CMKLR2: variants seen among roughly 807,000 people sequenced by gnomAD.
The protein encoded by CMKLR2 is chemerin-like receptor 2.
In CMKLR2, 18 loss-of-function variants were observed where a neutral mutation model predicts 23.0. That is an observed-to-expected ratio of 0.78 (90% confidence interval 0.54 to 1.16). CMKLR2 has a LOEUF of 1.16. Among genes scored for constraint, CMKLR2 ranks in the 50% most tolerant of loss-of-function variants. The pLI is 0.00. For missense variants in CMKLR2, 401 were observed against 412.7 expected (o/e 0.97, Z 0.25); for synonymous variants, 158 against 158.9 (o/e 0.99, Z 0.05).
chr2:206,210,384 T>C (rs1574331882), intron 1 of CMKLR2, among the ~76,000 whole-genome samples: 1 of 152,212 alleles, frequency 6.6e-6, no homozygotes. Flanking sequence ...ACACTTTCTT[T>C]ATCCAGTCTA....
At chr2:206,183,053 C>A (rs1298528609) in intron 1 of CMKLR2, among the ~76,000 whole-genome samples, 1 of 152,124 alleles carries the variant, frequency 6.6e-6, no homozygotes, top group Non-Finnish European at 1.5e-5. Context: ...TCTCACTCTG[C>A]CCTCTCACTT....
intron 1 of CMKLR2, among the ~76,000 whole-genome samples, chr2:206,200,398 G>A (rs985541535): frequency 6.6e-6 from 1 of 152,142 alleles, no homozygotes; most frequent in East Asian, 1.9e-4. Context: ...ACTCCAGCCT[G>A]GGCAACAAGA....
At chr2:206,186,789 T>C (rs991651700) in intron 1 of CMKLR2, among the ~76,000 whole-genome samples, 5 of 130,698 alleles carry the variant, frequency 3.8e-5, no homozygotes, top group Non-Finnish European at 6.7e-5. Flanking sequence ...CTCTGCTGCC[T>C]TTTTTTTTTT....
intron 1 of CMKLR2, among the ~76,000 whole-genome samples, chr2:206,186,692 G>A (rs1262349467): frequency 6.6e-6 from 1 of 152,006 alleles, no homozygotes; most frequent in African/African-American, 2.4e-5. Context: ...GAGCTATTTA[G>A]GAAATCCCCT....
At chr2:206,178,404 A>T (rs1688298458) in intron 1 of CMKLR2, among the ~76,000 whole-genome samples, 1 of 152,196 alleles carries the variant, frequency 6.6e-6, no homozygotes, top group African/African-American at 2.4e-5. Context: ...GCATCCAAGG[A>T]TGTTTTGAGT....
intron 1 of CMKLR2, among the ~76,000 whole-genome samples, chr2:206,189,330 G>A (rs562762746): frequency 3.9e-5 from 6 of 152,242 alleles, no homozygotes; most frequent in African/African-American, 1.2e-4. Context: ...GCTTCTGACC[G>A]GATAACAGGG....
At chr2:206,191,669 CTTT>C (rs66802286) in intron 1 of CMKLR2, among the ~76,000 whole-genome samples, 8 of 128,982 alleles carry the variant, frequency 6.2e-5, no homozygotes, top group Non-Finnish European at 6.7e-5. Context: ...ACTTCTCTTT[CTTT>C]TTTTTTTTTT....
At chr2:206,184,349 T>C (rs1688509168) in intron 1 of CMKLR2, among the ~76,000 whole-genome samples, 1 of 151,402 alleles carries the variant, frequency 6.6e-6, no homozygotes, top group Non-Finnish European at 1.5e-5. Flanking sequence ...TAGGCTTGAG[T>C]GCAGTGGCAT....
At position 206,207,728 on chromosome 2, in the gene CMKLR2, C is replaced by CTTT. The variant is rs71034423; in HGVS notation, c.-29+5576_-29+5578dup. Among the ~76,000 whole-genome samples the CTTT allele has an allele frequency of 2.6e-3, 115 of 43,554 alleles. 22 individuals are homozygous for CTTT. Among genetic ancestry groups the CTTT allele is most frequent in the East Asian group, 0.013 (11 of 836 alleles). 28.6% of individuals were successfully genotyped at this position (43,554 alleles called of 152,430 possible). ...ATCTGGGTCTGTCTGACCTCAGGGC[C>CTTT]TTTTTTTTTTTTTTTTTTTTTTTTT... On this transcript the variant is annotated intron_variant, in intron 1 of 1. Transcript: ENST00000621141.
At chr2:206,196,931 C>G (rs1256421338) in intron 1 of CMKLR2, among the ~76,000 whole-genome samples, 1 of 152,008 alleles carries the variant, frequency 6.6e-6, no homozygotes, top group Non-Finnish European at 1.5e-5. Flanking sequence ...GTTTTTTAGA[C>G]CAAGTCTTGC....
At chr2:206,207,661 G>T (rs2105838687) in intron 1 of CMKLR2, among the ~76,000 whole-genome samples, 1 of 146,422 alleles carries the variant, frequency 6.8e-6, no homozygotes, top group East Asian at 2.1e-4. Context: ...AAGGCTAAGA[G>T]AGCTTTGGCA....
upstream of CMKLR2, among the ~76,000 whole-genome samples, chr2:206,215,222 G>C (rs551751153): frequency 1.3e-5 from 2 of 152,120 alleles, no homozygotes; most frequent in Non-Finnish European, 2.9e-5. Flanking sequence ...TTGTGAGACC[G>C]GATGAATAGA....
In CMKLR2 at chr2:206,175,864, C is replaced by T. The variant is rs976339101; in HGVS notation, c.*316G>A. On this transcript the variant is annotated 3_prime_UTR_variant, in exon 2 of 2. Transcript: ENST00000621141. ...ATTATTCAAAAAATAACTGATATTG[C>T]TTCAAAAGTGATTAATTCACCATGG... is the stretch of plus-strand genomic sequence containing the variant. 2.4e-5 allele frequency: 5 copies of T among 206,260 alleles called. No individual in the cohort carries two copies. The East Asian group carries it at 4.4e-4, about 18-fold the overall frequency. 12.8% of individuals were successfully genotyped at this position (206,260 alleles called of 1,614,324 possible).
rs576222971 is a variant in CMKLR2 at position 206,177,032 on chromosome 2, G to A, written c.216C>T (p.Thr72=). 104 of 1,614,120 alleles carry A rather than the reference G, an allele frequency of 6.4e-5. 1 individual carries two copies. The South Asian group carries it at 1.1e-3, about 17-fold the overall frequency. ...FTGFKWKKTV[T]TLWFLNLAIA... is the part of the protein sequence containing the mutation. Reference sequence around the variant, plus strand: ...TGGCTAGATTGAGGAACCACAGAGTGGTGACTGTCTTCTTCCACTTGAACC... The same window carrying A: ...TGGCTAGATTGAGGAACCACAGAGTAGTGACTGTCTTCTTCCACTTGAACC... Residue 72 remains threonine (T), a synonymous_variant, in exon 2 of 2, where the codon ACC becomes ACT. Transcript: ENST00000621141.
Position 206,200,069 on chromosome 2 carries a change from G to T in CMKLR2, c.-29+13238C>A, listed in dbSNP as rs991455391. On this transcript the variant is annotated intron_variant, in intron 1 of 1. Coordinates refer to ENST00000621141, the MANE Select transcript of CMKLR2 (RefSeq NM_001389445.1). ...TTTCATAGTTGATATTAATCACCCT[G>T]TCCCAGAAACAAAGGTCTTGTACTT... Among the ~76,000 whole-genome samples, 2 of 152,302 alleles carry T rather than the reference G, an allele frequency of 1.3e-5. 1 individual carries two copies. The highest frequency in any genetic ancestry group is 3.9e-4 in the East Asian group (2 of 5,182).
At chr2:206,209,900 G>A (rs528625153) in intron 1 of CMKLR2, among the ~76,000 whole-genome samples, 26 of 151,208 alleles carry the variant, frequency 1.7e-4, no homozygotes, top group Admixed American at 7.3e-4. Flanking sequence ...CACCCGCCTC[G>A]GCCTCCCAAA....
intron 1 of CMKLR2, among the ~76,000 whole-genome samples, chr2:206,212,224 GA>G: frequency 6.6e-6 from 1 of 152,178 alleles, no homozygotes; most frequent in South Asian, 2.1e-4. Context: ...TCAAGTAACA[GA>G]AAATGTATGA....
chr2:206,177,276 C>T lies in CMKLR2; in HGVS notation c.-28-1G>A. The T allele has an allele frequency of 7.4e-7, 1 of 1,353,332 alleles. No individual in the cohort carries two copies. Among genetic ancestry groups the T allele is most frequent in the Non-Finnish European group, 1.0e-6 (1 of 985,090 alleles). 83.8% of individuals were successfully genotyped at this position (1,353,332 alleles called of 1,614,324 possible). On this transcript the variant is annotated splice_acceptor_variant, in intron 1 of 1. Coordinates refer to ENST00000621141, the MANE Select transcript of CMKLR2 (RefSeq NM_001389445.1). LOFTEE classifies it low-confidence loss of function (5UTR_SPLICE). ...CTTGCTAAATGGAGAATGAAGAAAT[C>T]TGTAGAAGCAAATTTAAAAAGAAAG...
chr2:206,214,165 A>ATTTTTTT (rs34307347), upstream of CMKLR2, among the ~76,000 whole-genome samples: 1 of 64,928 alleles, frequency 1.5e-5, no homozygotes, highest in Non-Finnish European at 2.7e-5. Context: ...TAAAGACTTG[A>ATTTTTTT]TTTTTTTTTT....
Sources: allele counts gnomAD v4.1 joint callset (sites outside exome capture counted in the v4.1 genomes callset), GRCh38; gene constraint gnomAD v4.1.1; transcripts MANE v1.5; gene names NCBI Gene and HGNC (gene_info 2026-07-23, HGNC 2026-07-21).